The following MAP2 variants were observed in gnomAD, a reference collection of about 807,000 sequenced individuals.
The protein encoded by MAP2 is microtubule associated protein 2, also known as microtubule-associated protein 2.
Under a neutral mutation model 137.6 loss-of-function variants are expected in MAP2, and 14 were observed. That is an observed-to-expected ratio of 0.10 (90% confidence interval 0.07 to 0.16). The LOEUF (loss-of-function observed/expected upper bound fraction) is 0.16. Among genes scored for constraint, MAP2 ranks in the 10% least tolerant of loss-of-function variants. The pLI, the probability that MAP2 is intolerant of heterozygous loss-of-function variation, is 1.00. For synonymous variants in MAP2, 786 were observed against 782.3 expected (o/e 1.00, Z -0.08); for missense variants, 2,088 against 2,191.5 (o/e 0.95, Z 0.94).
intron 4 of MAP2, among the ~76,000 whole-genome samples, chr2:209,647,522 A>G (rs1022542791): frequency 4.6e-5 from 7 of 152,202 alleles, no homozygotes; most frequent in African/African-American, 1.7e-4. Flanking sequence ...TTCTGGTTAT[A>G]TAACAGTTTT....
rs1401941271 is a variant in MAP2 at position 209,424,079 on chromosome 2, C to G, written c.-419C>G. 6.2e-6 allele frequency: 1 copy of G among 160,006 alleles called. No homozygotes were observed. The highest frequency in any genetic ancestry group is 1.8e-4 in the East Asian group (1 of 5,454). 9.9% of individuals were successfully genotyped at this position (160,006 alleles called of 1,614,324 possible). A position where few individuals can be genotyped will look rare whatever the true frequency, so the allele number is the denominator to read the frequency against. On this transcript the variant is annotated 5_prime_UTR_variant, in exon 1 of 16. Transcript: ENST00000682079. Reference sequence around the variant, plus strand: ...GGCGGGCGCTCGGGCTGCGCGGGCTCTGGGCAGCAGCAGCAGCAGCAGCAG... The same window carrying G: ...GGCGGGCGCTCGGGCTGCGCGGGCTGTGGGCAGCAGCAGCAGCAGCAGCAG...
chr2:209,564,500 G>A (rs1189330118), intron 2 of MAP2, among the ~76,000 whole-genome samples: 1 of 138,164 alleles, frequency 7.2e-6, no homozygotes, highest in Non-Finnish European at 1.5e-5. Flanking sequence ...AGACTTCTGA[G>A]TAGAATTACA....
chr2:209,468,822 T>A, intron 1 of MAP2, among the ~76,000 whole-genome samples: 1 of 152,168 alleles, frequency 6.6e-6, no homozygotes. Context: ...TGGGTATATA[T>A]TACCCTTACT....
At chr2:209,659,732 TAA>T (rs200809577) in intron 5 of MAP2, among the ~76,000 whole-genome samples, 1 of 143,540 alleles carries the variant, frequency 7.0e-6, no homozygotes. Context: ...TGAACACTAG[TAA>T]AAAAAAAAAA....
At chr2:209,652,483 T>C (rs1010247346) in intron 4 of MAP2, among the ~76,000 whole-genome samples, 11 of 152,220 alleles carry the variant, frequency 7.2e-5, no homozygotes, top group African/African-American at 2.4e-4. Flanking sequence ...TTTCTTTTTT[T>C]TTATTATACT....
intron 1 of MAP2, among the ~76,000 whole-genome samples, chr2:209,499,751 A>G (rs936994995): frequency 6.6e-6 from 1 of 152,160 alleles, no homozygotes; most frequent in Non-Finnish European, 1.5e-5. Context: ...AAGCAGGAGC[A>G]AGCCAGAAAG....
chr2:209,445,835 A>G (rs1355137215), intron 1 of MAP2, among the ~76,000 whole-genome samples: 3 of 151,708 alleles, frequency 2.0e-5, no homozygotes, highest in Admixed American at 6.6e-5. Flanking sequence ...CAACAAGAAA[A>G]TATAGCAGCT....
At chr2:209,687,408 G>A (rs2057368839) in intron 7 of MAP2, among the ~76,000 whole-genome samples, 1 of 151,924 alleles carries the variant, frequency 6.6e-6, no homozygotes, top group Non-Finnish European at 1.5e-5. Context: ...AACGTTCCTT[G>A]GTTATTCTGA....
chr2:209,432,843 G>A (rs565563821), intron 1 of MAP2, among the ~76,000 whole-genome samples: 196 of 152,212 alleles, frequency 1.3e-3, no homozygotes, highest in African/African-American at 4.6e-3. Flanking sequence ...ACATATAAAT[G>A]CAGATCTCTT....
intron 4 of MAP2, among the ~76,000 whole-genome samples, chr2:209,644,655 C>T (rs910766786): frequency 4.6e-5 from 6 of 129,736 alleles, no homozygotes; most frequent in African/African-American, 1.6e-4. Flanking sequence ...TGGGCAACGA[C>T]GTGGGACCCT....
intron 1 of MAP2, among the ~76,000 whole-genome samples, chr2:209,453,956 C>A (rs1700880499): frequency 6.6e-6 from 1 of 151,972 alleles, no homozygotes; most frequent in East Asian, 1.9e-4. Flanking sequence ...TCAAGACCAA[C>A]CTGGCTAACA....
intron 1 of MAP2, among the ~76,000 whole-genome samples, chr2:209,505,547 G>A (rs2060927114): frequency 6.6e-6 from 1 of 152,192 alleles, no homozygotes; most frequent in East Asian, 1.9e-4. Flanking sequence ...ACCCAACTTT[G>A]CAAAGCTGTA....
In MAP2 at chr2:209,438,558, T is replaced by G. The variant is rs139051259; in HGVS notation, c.-222+14282T>G. On this transcript the variant is annotated intron_variant, in intron 1 of 15. Transcript: ENST00000682079. ...CATTGAACAATTGCAGTTGCCTTTCTCAAAATATTATGCACCTTCTTAAAC... is the reference window on the plus strand; with the variant it reads ...CATTGAACAATTGCAGTTGCCTTTCGCAAAATATTATGCACCTTCTTAAAC... 4.2e-4 allele frequency among the ~76,000 whole-genome samples: 64 copies of G among 151,744 alleles called. 1 individual carries two copies. In the East Asian group the frequency reaches 0.011, roughly 26 times the overall value.
Position 209,710,138 on chromosome 2 carries a change from TCTC to T in MAP2, c.4960_4962del (p.Pro1654del). The T allele has an allele frequency of 1.2e-6, 2 of 1,613,506 alleles. No individual in the cohort carries two copies. Among genetic ancestry groups the T allele is most frequent in the Non-Finnish European group, 1.7e-6 (2 of 1,179,884 alleles). ...CGCCATCATACGTACTCCTCCAAAATCTCCTGCGACTCCCAAGCAGCTTCGGCT... is the reference window on the plus strand; with the variant it reads ...CGCCATCATACGTACTCCTCCAAAATCTGCGACTCCCAAGCAGCTTCGGCT... On this transcript the variant is annotated inframe_deletion, in exon 13 of 16. Transcript: ENST00000682079.
intron 3 of MAP2, among the ~76,000 whole-genome samples, chr2:209,607,843 A>C (rs2085337052): frequency 6.6e-6 from 1 of 152,200 alleles, no homozygotes; most frequent in African/African-American, 2.4e-5. Context: ...TGAAAGCCCC[A>C]GTCTTAATTC....
chr2:209,502,701 A>G (rs1044513161), intron 1 of MAP2, among the ~76,000 whole-genome samples: 4 of 152,092 alleles, frequency 2.6e-5, no homozygotes, highest in African/African-American at 4.8e-5. Context: ...TTACATTCCC[A>G]TCAACAGTAT....
intron 2 of MAP2, among the ~76,000 whole-genome samples, chr2:209,508,100 T>C (rs529716659): frequency 3.9e-5 from 6 of 152,210 alleles, no homozygotes; most frequent in African/African-American, 1.4e-4. Context: ...AAAATTTCAG[T>C]TAGCAGAGTG....
chr2:209,701,348 T>C (rs1407141192), intron 11 of MAP2, among the ~76,000 whole-genome samples: 1 of 151,934 alleles, frequency 6.6e-6, no homozygotes, highest in African/African-American at 2.4e-5. Flanking sequence ...AAATCTTTTC[T>C]ATTTTTTCTG....
chr2:209,517,570 A>C (rs2062688542), intron 2 of MAP2, among the ~76,000 whole-genome samples: 1 of 151,936 alleles, frequency 6.6e-6, no homozygotes, highest in Admixed American at 6.6e-5. Flanking sequence ...GATAGTTTTT[A>C]CAAGTTCGTT....
Sources: gnomAD v4.1 joint callset for allele counts (sites outside exome capture counted in the v4.1 genomes callset) on GRCh38, gnomAD v4.1.1 for gene constraint, MANE v1.5 for transcripts, NCBI Gene and HGNC (gene_info 2026-07-23, HGNC 2026-07-21) for gene names.